Variants in RCAN1 observed in about 807,000 individuals in gnomAD.
RCAN1 encodes the protein regulator of calcineurin 1.
RCAN1 carries 11 observed loss-of-function variants against 22.9 expected under a neutral mutation model. The ratio of observed to expected loss-of-function variants is 0.48; its 90% CI spans 0.30 to 0.79. RCAN1 has a LOEUF of 0.79. RCAN1 is among the 30% of genes least tolerant of loss of function. RCAN1 has a pLI of 0.06. For synonymous variants in RCAN1, 136 were observed against 142.3 expected (o/e 0.96, Z 0.32); for missense variants, 291 against 337.8 (o/e 0.86, Z 1.09).
intron 1 of RCAN1, among the ~76,000 whole-genome samples, chr21:34,588,184 CA>C (rs1987863147): frequency 6.6e-6 from 1 of 152,082 alleles, no homozygotes; most frequent in African/African-American, 2.4e-5. Context: ...TAATGTTGAA[CA>C]AAAGAAACAA....
Position 34,614,720 on chromosome 21 carries a change from C to G in RCAN1, c.252+40G>C. On this transcript the variant is annotated intron_variant, in intron 1 of 3. Coordinates refer to ENST00000313806, the MANE Select transcript of RCAN1 (RefSeq NM_004414.7). The surrounding 1 kb of genome is among the most constrained non-coding windows in gnomAD (Gnocchi z 6.0). ...CGCCGCCTCCTCGGGCAACAAGTGT[C>G]CGCCCTCCGCCCCGACGGCCCGCCC... The G allele has an allele frequency of 7.2e-7, 1 of 1,390,316 alleles. No individual in the cohort carries two copies. The highest frequency in any genetic ancestry group is 2.7e-5 in the Admixed American group (1 of 36,588). The allele number at this position is 1,390,316 out of a possible 1,614,324, so 86.1% of individuals were successfully genotyped here.
In RCAN1 at chr21:34,596,694, T is replaced by C. The variant is rs1347988635; in HGVS notation, c.252+18066A>G. Among the ~76,000 whole-genome samples the C allele has an allele frequency of 2.0e-5, 3 of 152,342 alleles. No homozygotes were observed. The South Asian group carries it at 6.2e-4, about 32-fold the overall frequency. ...CATTCGAACCGGGATGGGCATTTCC[T>C]GATGATGTTGGAACACCAACACAGT... On this transcript the variant is annotated intron_variant, in intron 1 of 3. Coordinates refer to ENST00000313806, the MANE Select transcript of RCAN1 (RefSeq NM_004414.7).
At chr21:34,571,653 T>C (rs1043241321) in intron 1 of RCAN1, among the ~76,000 whole-genome samples, 2 of 152,160 alleles carry the variant, frequency 1.3e-5, no homozygotes, top group Non-Finnish European at 2.9e-5. Context: ...CTTCCCAGGC[T>C]CGGGTGATCC....
chr21:34,535,405 T>C (rs925535431), intron 1 of RCAN1, among the ~76,000 whole-genome samples: 2 of 151,942 alleles, frequency 1.3e-5, no homozygotes, highest in Non-Finnish European at 2.9e-5. Context: ...CATAACCTTT[T>C]TTTTTTTTGA....
chr21:34,594,262 A>C (rs1384170341), intron 1 of RCAN1, among the ~76,000 whole-genome samples: 1 of 152,182 alleles, frequency 6.6e-6, no homozygotes, highest in Non-Finnish European at 1.5e-5. Context: ...TGTTTCACAA[A>C]AGAAGGGTGG....
At chr21:34,571,226 G>A (rs1987224089) in intron 1 of RCAN1, among the ~76,000 whole-genome samples, 1 of 152,206 alleles carries the variant, frequency 6.6e-6, no homozygotes, top group South Asian at 2.1e-4. Flanking sequence ...CCGGGAGGCG[G>A]AGGTTGTGGT....
rs868014396 is a variant in RCAN1 at position 34,517,982 on chromosome 21, G to A, written c.*102C>T. The A allele has an allele frequency of 9.1e-6, 13 of 1,432,560 alleles. No homozygotes were observed. Among genetic ancestry groups the A allele is most frequent in the East Asian group, 2.3e-5 (1 of 43,842 alleles). 88.7% of individuals were successfully genotyped at this position (1,432,560 alleles called of 1,614,324 possible). A position where few individuals can be genotyped will look rare whatever the true frequency, so the allele number is the denominator to read the frequency against. On this transcript the variant is annotated 3_prime_UTR_variant, in exon 4 of 4. Transcript: ENST00000313806. The stretch of plus-strand genomic sequence containing the variant: ...CATGAACTGGGATTTCTGCCACCCC[G>A]ATCTCGGCTGCCACCTCCGAAGAAG...
At chr21:34,592,127 T>C (rs1297865924) in intron 1 of RCAN1, among the ~76,000 whole-genome samples, 2 of 152,086 alleles carry the variant, frequency 1.3e-5, no homozygotes, top group African/African-American at 4.8e-5. Context: ...GAAAGAAAAA[T>C]GATGGGGAGC....
At chr21:34,533,027 C>G (rs558826865) in intron 1 of RCAN1, among the ~76,000 whole-genome samples, 22 of 149,760 alleles carry the variant, frequency 1.5e-4, no homozygotes, top group Middle Eastern at 6.8e-3. Flanking sequence ...GTGGCACTAT[C>G]TCGGCTCACT....
At chr21:34,532,259 G>A (rs1033122202) in intron 1 of RCAN1, among the ~76,000 whole-genome samples, 3 of 152,092 alleles carry the variant, frequency 2.0e-5, no homozygotes, top group Non-Finnish European at 4.4e-5. Flanking sequence ...CTGACTTTGC[G>A]GGGTTCTTTG....
chr21:34,613,124 G>T (rs911748171), intron 1 of RCAN1, among the ~76,000 whole-genome samples: 1 of 152,146 alleles, frequency 6.6e-6, no homozygotes, highest in East Asian at 1.9e-4. Context: ...AGACAGCAAA[G>T]CCTGAATGAA....
intron 1 of RCAN1, among the ~76,000 whole-genome samples, chr21:34,532,514 C>A (rs1017566381): frequency 3.3e-5 from 5 of 152,342 alleles, no homozygotes; most frequent in African/African-American, 1.2e-4. Context: ...GCTTGAGCCA[C>A]ATCTTATTCC....
rs145106902 is a variant in RCAN1, at chr21:34,547,384, C to T, written c.253-23674G>A. 1.8e-4 allele frequency among the ~76,000 whole-genome samples: 27 copies of T among 152,270 alleles called. No individual in the cohort carries two copies. The East Asian group carries it at 5.0e-3, about 28-fold the overall frequency. On this transcript the variant is annotated intron_variant, in intron 1 of 3. Coordinates refer to ENST00000313806, the MANE Select transcript of RCAN1 (RefSeq NM_004414.7). ...ATGGGAATGCACCCCAGGAAACACA[C>T]AATTTTGAAAAACATCGTCCCAAGA...
At chr21:34,583,177 C>CTTTTTTTTTTT (rs1568922372) in intron 1 of RCAN1, among the ~76,000 whole-genome samples, 1 of 107,034 alleles carries the variant, frequency 9.3e-6, no homozygotes. Context: ...GGCGATAGGG[C>CTTTTTTTTTTT]CTTTTTTTTT....
chr21:34,611,212 A>G (rs758825288), intron 1 of RCAN1, among the ~76,000 whole-genome samples: 7 of 152,166 alleles, frequency 4.6e-5, no homozygotes, highest in Admixed American at 4.6e-4. Context: ...AGCATTTTGA[A>G]TTGTTTTGCT....
rs1184826979 is a variant in RCAN1, at chr21:34,614,965, G to C, written c.47C>G (p.Ala16Gly). The C allele has an allele frequency of 8.7e-7, 1 of 1,147,460 alleles. No individual in the cohort carries two copies. Among genetic ancestry groups the C allele is most frequent in the Non-Finnish European group, 1.1e-6 (1 of 939,806 alleles). The allele number at this position is 1,147,460 out of a possible 1,614,324, so 71.1% of individuals were successfully genotyped here. A position where few individuals can be genotyped will look rare whatever the true frequency, so the allele number is the denominator to read the frequency against. ...CGCTCGCGCCTCGGCCGCCTCCGCC[G>C]CCTCCGCCGCGGCCCCGAGCTGGGG... is the stretch of plus-strand genomic sequence containing the variant. ...AGPQLGAAAEAAEAAEARARP... is the reference protein window; with the variant it reads ...AGPQLGAAAEGAEAAEARARP... The change falls in exon 1 of 4, where the codon GCG (alanine) becomes GGG (glycine). Residue 16 changes from alanine to glycine, a missense_variant. By Grantham distance (60) the Ala-to-Gly change is moderately conservative. Transcript: ENST00000313806. The surrounding 1 kb of genome is among the most constrained non-coding windows in gnomAD (Gnocchi z 6.0).
intron 1 of RCAN1, among the ~76,000 whole-genome samples, chr21:34,607,735 T>C (rs757056938): frequency 1.3e-5 from 2 of 152,150 alleles, no homozygotes; most frequent in Non-Finnish European, 2.9e-5. Context: ...AGTTTCCAAA[T>C]TAAAAAATGT....
intron 1 of RCAN1, among the ~76,000 whole-genome samples, chr21:34,547,277 T>C (rs967189127): frequency 6.6e-6 from 1 of 151,884 alleles, no homozygotes; most frequent in African/African-American, 2.4e-5. Flanking sequence ...AGCAGCCAGG[T>C]TTTTACCTAG....
At chr21:34,535,457 C>T (rs912650536) in intron 1 of RCAN1, among the ~76,000 whole-genome samples, 1 of 148,780 alleles carries the variant, frequency 6.7e-6, no homozygotes, top group African/African-American at 2.5e-5. Flanking sequence ...GGAGAAAATA[C>T]GGGAGGTGCT....
Sources: allele counts gnomAD v4.1 joint callset (sites outside exome capture counted in the v4.1 genomes callset), GRCh38; gene constraint gnomAD v4.1.1; non-coding constraint Gnocchi (gnomAD v3.1); transcripts MANE v1.5; gene names NCBI Gene and HGNC (gene_info 2026-07-23, HGNC 2026-07-21).